Variants in PABPC4L observed in about 807,000 individuals in gnomAD.
PABPC4L encodes poly(A) binding protein cytoplasmic 4 like.
For synonymous variants in PABPC4L, 169 were observed against 164.1 expected, an observed-to-expected ratio of 1.03 and a Z score of -0.23; for missense variants, 452 against 451.4, an observed-to-expected ratio of 1.00 and a Z score of -0.01.
chr4:134,034,109 GTTTA>G, the PABPC4L span, among the ~76,000 whole-genome samples: 1 of 151,894 alleles, frequency 6.6e-6, no homozygotes, highest in Admixed American at 6.6e-5. Flanking sequence ...TGAAGTCAGT[GTTTA>G]TTTACCATTT....
At chr4:134,175,078 A>G in the PABPC4L span, among the ~76,000 whole-genome samples, 5 of 152,184 alleles carry the variant, frequency 3.3e-5, no homozygotes, top group African/African-American at 9.6e-5. Context: ...TTGAGGGAGC[A>G]AGAGGTAAGA....
the PABPC4L span, among the ~76,000 whole-genome samples, chr4:133,962,479 T>C: frequency 3.3e-5 from 5 of 152,262 alleles, no homozygotes; most frequent in Admixed American, 6.5e-5. Flanking sequence ...TTTATAAAAA[T>C]GCAAAATGCT....
the PABPC4L span, among the ~76,000 whole-genome samples, chr4:134,141,119 C>G: frequency 6.6e-6 from 1 of 151,562 alleles, no homozygotes; most frequent in African/African-American, 2.4e-5. Flanking sequence ...CTACATTGTA[C>G]AATCAGTACA....
the PABPC4L span, among the ~76,000 whole-genome samples, chr4:134,078,932 T>C: frequency 1.3e-5 from 2 of 150,174 alleles, no homozygotes; most frequent in African/African-American, 4.9e-5. Flanking sequence ...CCTCTCAAAG[T>C]ACTGGGATTA....
chr4:134,191,217 A>G, the PABPC4L span, among the ~76,000 whole-genome samples: 1 of 152,100 alleles, frequency 6.6e-6, no homozygotes, highest in Non-Finnish European at 1.5e-5. Flanking sequence ...TATATATACC[A>G]ATTGGATCCA....
chr4:134,001,523 A>C, the PABPC4L span, among the ~76,000 whole-genome samples: 1 of 152,254 alleles, frequency 6.6e-6, no homozygotes, highest in Middle Eastern at 3.4e-3. Context: ...GAACAGAAAT[A>C]ACCCAGTCTA....
the PABPC4L span, among the ~76,000 whole-genome samples, chr4:133,980,239 T>C: frequency 6.6e-6 from 1 of 152,220 alleles, no homozygotes; most frequent in Non-Finnish European, 1.5e-5. Flanking sequence ...TCTAGGCTTC[T>C]TATATGTCAA....
rs369585514 is a variant in PABPC4L at position 134,200,997 on chromosome 4, C to T, written c.23G>A (p.Arg8His). 3 of 1,551,984 alleles carry T rather than the reference C, an allele frequency of 1.9e-6. No individual in the cohort carries two copies. The highest frequency in any genetic ancestry group is 3.9e-5 in the Admixed American group (2 of 50,990). The change falls in exon 2 of 2, where the codon CGC becomes CAC. Residue 8 changes from arginine (R) to histidine (H), a missense_variant. Coordinates refer to ENST00000421491, the MANE Select transcript of PABPC4L (RefSeq NM_001114734.2). The part of the protein sequence containing the change: MNVAAKY[R>H]MASLYVGDLH... Reference sequence around the variant, plus strand: ...GTCACCCACATACAGGGAGGCCATGCGGTACTTGGCTGCTACATTCATCTC... The same window carrying T: ...GTCACCCACATACAGGGAGGCCATGTGGTACTTGGCTGCTACATTCATCTC...
At chr4:134,088,096 C>T in the PABPC4L span, among the ~76,000 whole-genome samples, 56 of 152,132 alleles carry the variant, frequency 3.7e-4, no homozygotes, top group Middle Eastern at 0.014. Context: ...TCTGTTGCTC[C>T]TCTTACCTCA....
chr4:134,193,330 C>T (rs545485626), downstream of PABPC4L, among the ~76,000 whole-genome samples: 221 of 151,886 alleles, frequency 1.5e-3, 1 homozygote, highest in Non-Finnish European at 1.0e-3. Flanking sequence ...TATACCCATC[C>T]TATATCCTAA....
chr4:134,194,760 A>T (rs1578879411), downstream of PABPC4L, among the ~76,000 whole-genome samples: 1 of 151,780 alleles, frequency 6.6e-6, no homozygotes, highest in Non-Finnish European at 1.5e-5. Flanking sequence ...TGACAGTTTT[A>T]AAAGAGTTGA....
the PABPC4L span, among the ~76,000 whole-genome samples, chr4:134,177,063 C>G: frequency 6.6e-6 from 1 of 152,124 alleles, no homozygotes; most frequent in African/African-American, 2.4e-5. Context: ...CAGCTTCCAG[C>G]CCAGTGGTCC....
chr4:134,137,610 G>C, the PABPC4L span, among the ~76,000 whole-genome samples: 1 of 151,586 alleles, frequency 6.6e-6, no homozygotes, highest in Non-Finnish European at 1.5e-5. Context: ...CAAAACCCTG[G>C]AGTTCTTTTT....
downstream of PABPC4L, among the ~76,000 whole-genome samples, chr4:134,195,281 A>G (rs906184947): frequency 2.6e-5 from 4 of 151,752 alleles, no homozygotes; most frequent in African/African-American, 9.7e-5. Flanking sequence ...AGGAATTAAT[A>G]TTGGCTGCCA....
chr4:133,963,280 C>G, the PABPC4L span, among the ~76,000 whole-genome samples: 1 of 152,130 alleles, frequency 6.6e-6, no homozygotes, highest in Admixed American at 6.5e-5. Flanking sequence ...TCTTGTCCAA[C>G]AGGAAAATAT....
In PABPC4L at chr4:134,198,246, T is replaced by C. The variant is rs983418593; in HGVS notation, c.*1661A>G. ...ATTTTTCTTAAATTACCTAGGTGTA[T>C]ATATGTAGAGAGAGAAAAAAATAGA... On this transcript the variant is annotated 3_prime_UTR_variant, in exon 2 of 2. Transcript: ENST00000421491. The C allele has an allele frequency of 6.6e-6, 1 of 151,630 alleles. No individual in the cohort carries two copies. The highest frequency in any genetic ancestry group is 1.5e-5 in the Non-Finnish European group (1 of 67,686). 9.4% of individuals were successfully genotyped at this position (151,630 alleles called of 1,614,324 possible). A position where few individuals can be genotyped will look rare whatever the true frequency, so the allele number is the denominator to read the frequency against.
chr4:134,139,479 AG>A, the PABPC4L span, among the ~76,000 whole-genome samples: 2 of 151,962 alleles, frequency 1.3e-5, no homozygotes, highest in African/African-American at 4.8e-5. Context: ...AGTCACAAAC[AG>A]CTACAAGACC....
the PABPC4L span, among the ~76,000 whole-genome samples, chr4:133,954,926 GCCAACAGTATAC>G: frequency 2.6e-5 from 4 of 152,160 alleles, no homozygotes; most frequent in African/African-American, 9.6e-5. Flanking sequence ...GGTGGATAAG[GCCAACAGTATAC>G]CCAAACTGCA....
chr4:134,153,095 A>T, the PABPC4L span, among the ~76,000 whole-genome samples: 1 of 152,174 alleles, frequency 6.6e-6, no homozygotes, highest in Admixed American at 6.6e-5. Flanking sequence ...CACCTCTAAC[A>T]CTGGGGATCA....
Sources: gnomAD v4.1 joint callset for allele counts (sites outside exome capture counted in the v4.1 genomes callset) on GRCh38, gnomAD v4.1.1 for gene constraint, MANE v1.5 for transcripts, NCBI Gene and HGNC (gene_info 2026-07-23, HGNC 2026-07-21) for gene names.